MYOF: variants seen among roughly 807,000 people sequenced by gnomAD.
The protein encoded by MYOF is fer-1-like 3, myoferlin.
In MYOF, 244 loss-of-function variants were observed where a neutral mutation model predicts 284.2. That is an observed-to-expected ratio of 0.86 (90% CI 0.77 to 0.95). The LOEUF (loss-of-function observed/expected upper bound fraction) is 0.95. MYOF is among the 40% of genes least tolerant of loss of function. The probability of loss-of-function intolerance (pLI) is 0.00; values close to 1 mark genes in which losing one functional copy is unlikely to be tolerated. For missense variants in MYOF, 2,496 were observed against 2,560.6 expected (o/e 0.97, Z 0.54); for synonymous variants, 904 against 919.7 (o/e 0.98, Z 0.31).
intron 5 of MYOF, among the ~76,000 whole-genome samples, chr10:93,420,279 C>A (rs1431660971): frequency 1.3e-5 from 2 of 152,168 alleles, no homozygotes; most frequent in Non-Finnish European, 2.9e-5. Context: ...AAAATAGTTT[C>A]TTCCAGCTAC....
intron 5 of MYOF, among the ~76,000 whole-genome samples, chr10:93,411,728 T>G (rs1589527696): frequency 6.6e-6 from 1 of 152,180 alleles, no homozygotes; most frequent in East Asian, 1.9e-4. Context: ...CTGCTCCTCA[T>G]CATCCATTCA....
intron 7 of MYOF, among the ~76,000 whole-genome samples, chr10:93,405,874 T>A (rs1462403749): frequency 6.6e-6 from 1 of 150,764 alleles, no homozygotes; most frequent in Non-Finnish European, 1.5e-5. Context: ...CTTGGCTCAC[T>A]GTAACCTCCG....
intron 21 of MYOF, among the ~76,000 whole-genome samples, chr10:93,379,396 T>A (rs1846007987): frequency 6.6e-6 from 1 of 152,234 alleles, no homozygotes; most frequent in Admixed American, 6.5e-5. Flanking sequence ...AAAATTTTTA[T>A]CTGGGCATAT....
chr10:93,317,243 A>G (rs1842653598), intron 49 of MYOF, among the ~76,000 whole-genome samples: 1 of 104,080 alleles, frequency 9.6e-6, no homozygotes, highest in Non-Finnish European at 1.7e-5. Context: ...ATGTCTGAGT[A>G]TGCTCTCATT....
chr10:93,436,940 A>G (rs775579535), intron 3 of MYOF, among the ~76,000 whole-genome samples: 4 of 152,224 alleles, frequency 2.6e-5, no homozygotes, highest in Non-Finnish European at 5.9e-5. Flanking sequence ...ATGAACTCCA[A>G]CCAACACTAA....
Position 93,426,147 on chromosome 10 carries a change from G to A in MYOF, c.357C>T (p.Asp119=), listed in dbSNP as rs1400324160. ...EKGQDTGATI[D]LVIGYDPPSA... is the part of the protein sequence containing the mutation. ...AAGGCGGATCATAGCCGATCACCAA[G>A]TCAATGGTGGCCTGGGTAGAAATAA... The change falls in exon 5 of 54, where the codon GAC becomes GAT. Residue 119 remains aspartate, a synonymous_variant. Coordinates refer to ENST00000359263, the MANE Select transcript of MYOF (RefSeq NM_013451.4). The A allele has an allele frequency of 1.3e-6, 2 of 1,557,994 alleles. No homozygotes were observed. Among genetic ancestry groups the A allele is most frequent in the African/African-American group, 2.7e-5 (2 of 73,498 alleles).
rs762104561 is a variant in MYOF at position 93,319,932 on chromosome 10, C to G, written c.5538G>C (p.Trp1846Cys). ...GGTAGTCAAACGGGAAAACAAATCG[C>G]CAGTTAAAATTCCCTTCACCATCCA... The part of the protein sequence containing the change: ...RSLDGEGNFN[W>C]RFVFPFDYLP... The change falls in exon 49 of 54, where the codon TGG (tryptophan) becomes TGC (cysteine). Residue 1846 changes from tryptophan (W) to cysteine (C), a missense_variant. Trp to Cys is a radical substitution (Grantham distance 215). This residue lies in a region of MYOF where 2,436 missense variants were observed against 2,480.7 expected (regional missense o/e 0.98). Transcript: ENST00000359263. The G allele has an allele frequency of 1.1e-5, 18 of 1,614,168 alleles. No individual in the cohort carries two copies. Among genetic ancestry groups the G allele is most frequent in the Non-Finnish European group, 1.4e-5 (17 of 1,180,034 alleles).
chr10:93,315,617 G>A (rs1842582263), intron 50 of MYOF, among the ~76,000 whole-genome samples: 2 of 152,150 alleles, frequency 1.3e-5, no homozygotes, highest in South Asian at 4.1e-4. Flanking sequence ...TTCTGGCCAG[G>A]AATCAGGAAT....
intron 1 of MYOF, among the ~76,000 whole-genome samples, chr10:93,464,009 C>CAA (rs2056946910): frequency 6.6e-6 from 1 of 151,622 alleles, no homozygotes; most frequent in Non-Finnish European, 1.5e-5. Flanking sequence ...TTTGGTCAAA[C>CAA]ATAAGTCCAG....
chr10:93,320,997 G>A (rs1300668970), intron 48 of MYOF, among the ~76,000 whole-genome samples: 1 of 152,094 alleles, frequency 6.6e-6, no homozygotes, highest in African/African-American at 2.4e-5. Context: ...CACGCAGACA[G>A]AAAAGATTAT....
In MYOF at chr10:93,369,110, CTTT is replaced by C. The variant is rs66923086; in HGVS notation, c.2589+532_2589+534del. On this transcript the variant is annotated intron_variant, in intron 25 of 53. Coordinates refer to ENST00000359263, the MANE Select transcript of MYOF (RefSeq NM_013451.4). ...TATTGTTTTAGAAGTATTCAGACAG[CTTT>C]TTTTTTTTTTTTTTTTTTTGCCCCT... Among the ~76,000 whole-genome samples the C allele has an allele frequency of 1.0e-3, 78 of 78,308 alleles. 2 individuals are homozygous for C. The highest frequency in any genetic ancestry group is 6.6e-3 in the East Asian group (14 of 2,126). 51.4% of individuals were successfully genotyped at this position (78,308 alleles called of 152,430 possible).
rs374984115 is a variant in MYOF, at chr10:93,389,070, G to T, written c.1541C>A (p.Thr514Lys). 1 of 1,613,906 alleles carries T rather than the reference G, an allele frequency of 6.2e-7. No individual in the cohort carries two copies. Among genetic ancestry groups the T allele is most frequent in the Admixed American group, 1.7e-5 (1 of 59,994 alleles). Residue 514 changes from threonine to lysine, a missense_variant, in exon 18 of 54, where the codon ACG becomes AAG. By Grantham distance (78) the Thr-to-Lys change is moderately conservative. This residue lies in a region of MYOF where 2,436 missense variants were observed against 2,480.7 expected (regional missense o/e 0.98). Coordinates refer to ENST00000359263, the MANE Select transcript of MYOF (RefSeq NM_013451.4). ...LNLYGSPREY[T>K]GFPDPYDELN... is the part of the protein sequence containing the mutation. ...CTCATCATAGGGGTCTGGGAATCCC[G>T]TGTACTCTCTGGGGCTTCCATAAAG...
chr10:93,310,033 A>G lies in MYOF; in HGVS notation c.6134T>C (p.Leu2045Pro). The change falls in exon 53 of 54, where the codon CTC becomes CCC. Residue 2045 changes from leucine (L) to proline (P), a missense_variant. Transcript: ENST00000359263. ...AAGGGCTCCTACCGGCAAAGAGTAG[A>G]GGAGCACGGCCACGAAGAGCAGCAG... ...LILLLFVAVL[L>P]YSLPNYLSMK... 2 of 1,614,156 alleles carry G rather than the reference A, an allele frequency of 1.2e-6. No individual in the cohort carries two copies. Among genetic ancestry groups the G allele is most frequent in the Non-Finnish European group, 1.7e-6 (2 of 1,180,036 alleles).
At chr10:93,394,621 C>T (rs950419864) in intron 16 of MYOF, among the ~76,000 whole-genome samples, 31 of 151,098 alleles carry the variant, frequency 2.1e-4, no homozygotes, top group South Asian at 6.3e-4. Flanking sequence ...CCACCACGCC[C>T]GGAGAATTTT....
At chr10:93,363,200 A>T (rs1200430249) in intron 27 of MYOF, among the ~76,000 whole-genome samples, 4 of 152,280 alleles carry the variant, frequency 2.6e-5, no homozygotes, top group African/African-American at 9.6e-5. Flanking sequence ...TGTGTGCAAC[A>T]CAATTCTATT....
chr10:93,417,711 G>A (rs1848191758), intron 5 of MYOF, among the ~76,000 whole-genome samples: 1 of 152,018 alleles, frequency 6.6e-6, no homozygotes, highest in Admixed American at 6.6e-5. Context: ...ACCTTGCCAG[G>A]GAGGGGGATC....
At chr10:93,308,459 C>A (rs1026146947) in intron 53 of MYOF, among the ~76,000 whole-genome samples, 4 of 150,152 alleles carry the variant, frequency 2.7e-5, no homozygotes, top group Admixed American at 6.7e-5. Context: ...GTGGCAGGCA[C>A]CTGTAATCCC....
rs113713765 is a variant in MYOF, at chr10:93,431,024, C to CTT, written c.345+382_345+383dup. Among the ~76,000 whole-genome samples, 333 of 117,826 alleles carry CTT rather than the reference C, an allele frequency of 2.8e-3. 3 individuals carry two copies. The highest frequency in any genetic ancestry group is 0.015 in the East Asian group (66 of 4,278). 77.3% of individuals were successfully genotyped at this position (117,826 alleles called of 152,430 possible). On this transcript the variant is annotated intron_variant, in intron 4 of 53. Transcript: ENST00000359263. Reference sequence around the variant, plus strand: ...CTGACAATTTAGACATTTTTCTTTTCTTTTTTTTTTTTTTTTTGTTTGAGA... The same window carrying CTT: ...CTGACAATTTAGACATTTTTCTTTTCTTTTTTTTTTTTTTTTTTTGTTTGAGA...
rs1036272325 is a variant in MYOF at position 93,406,566 on chromosome 10, C to CG, written c.729+2220_729+2221insC. Among the ~76,000 whole-genome samples the CG allele has an allele frequency of 2.2e-4, 20 of 92,878 alleles. 1 individual carries two copies. Among genetic ancestry groups the CG allele is most frequent in the East Asian group, 7.2e-4 (3 of 4,146 alleles). 60.9% of individuals were successfully genotyped at this position (92,878 alleles called of 152,430 possible). On this transcript the variant is annotated intron_variant, in intron 7 of 53. Transcript: ENST00000359263. ...AGTAATCCAGCATCTTGCCTCCTCC[C>CG]CACCCATCCAGTCTTGCCCTCCAAC...
Sources: gnomAD v4.1 joint callset for allele counts (sites outside exome capture counted in the v4.1 genomes callset) on GRCh38, gnomAD v4.1.1 for gene constraint, gnomAD v4.1.1 regional missense constraint, MANE v1.5 for transcripts, NCBI Gene and HGNC (gene_info 2026-07-23, HGNC 2026-07-21) for gene names.